Variants in SLC17A1 observed in about 807,000 individuals in gnomAD.
SLC17A1 encodes the protein sodium-dependent phosphate transport protein 1.
A neutral mutation model predicts 53.5 loss-of-function variants in SLC17A1; 51 were observed. That is an observed-to-expected ratio of 0.95 (90% CI 0.76 to 1.20). The LOEUF is 1.20. Among genes scored for constraint, SLC17A1 ranks in the 50% most tolerant of loss-of-function variants. The pLI is 0.00. For synonymous variants in SLC17A1, 179 were observed against 198.8 expected (o/e 0.90, Z 0.84); for missense variants, 538 against 568.2 (o/e 0.95, Z 0.54).
rs144342802 is a variant in SLC17A1, at chr6:25,802,969, C to T, written c.1179-1989G>A. ...TTTTTTTTTTTTTTTTTTTTTGAGA[C>T]GCAGCCTTGCTCTGTCGCCCAGGCT... On this transcript the variant is annotated intron_variant, in intron 10 of 12. Transcript: ENST00000244527. 8.4e-3 allele frequency among the ~76,000 whole-genome samples: 720 copies of T among 86,122 alleles called. 15 individuals are homozygous for T. The highest frequency in any genetic ancestry group is 0.075 in the East Asian group (209 of 2,804). 56.5% of individuals were successfully genotyped at this position (86,122 alleles called of 152,430 possible).
the SLC17A1 span, among the ~76,000 whole-genome samples, chr6:25,733,845 A>G: frequency 0.24 from 35,858 of 147,198 alleles, 4,875 homozygotes; most frequent in Non-Finnish European, 0.31. Flanking sequence ...TGTATGACAG[A>G]GTATTGCTCT....
intron 10 of SLC17A1, among the ~76,000 whole-genome samples, chr6:25,810,569 G>C (rs9467610): frequency 0.28 from 42,291 of 151,926 alleles, 6,386 homozygotes; most frequent in African/African-American, 0.4. Flanking sequence ...CCCTACACCT[G>C]TTAGAGTGTC....
chr6:25,797,995 C>T (rs1198386456), intron 12 of SLC17A1, among the ~76,000 whole-genome samples: 1 of 152,128 alleles, frequency 6.6e-6, no homozygotes, highest in Non-Finnish European at 1.5e-5. Flanking sequence ...TCTTCCAAAG[C>T]GGTAGCTGTA....
chr6:25,767,208 A>AACACATATGTTATAT, the SLC17A1 span, among the ~76,000 whole-genome samples: 7 of 152,292 alleles, frequency 4.6e-5, no homozygotes, highest in East Asian at 7.7e-4. Flanking sequence ...AGCAAAAAAT[A>AACACATATGTTATAT]GCACATACAT....
At chr6:25,735,927 G>C in the SLC17A1 span, among the ~76,000 whole-genome samples, 4 of 152,130 alleles carry the variant, frequency 2.6e-5, no homozygotes, top group Non-Finnish European at 5.9e-5. Context: ...GAGCCAGTAA[G>C]AATCTTTTCT....
intron 6 of SLC17A1, among the ~76,000 whole-genome samples, chr6:25,818,155 C>T (rs1236003992): frequency 2.0e-5 from 3 of 152,116 alleles, no homozygotes; most frequent in African/African-American, 7.2e-5. Context: ...CAGAAATTCC[C>T]GGCAGAGATG....
the SLC17A1 span, chr6:25,773,463 G>T: frequency 6.2e-7 from 1 of 1,612,912 alleles, no homozygotes. Context: ...GAATGTGATA[G>T]AGAGAGCTGC....
chr6:25,829,272 G>T (rs1764862778), intron 2 of SLC17A1, among the ~76,000 whole-genome samples: 1 of 152,104 alleles, frequency 6.6e-6, no homozygotes, highest in Non-Finnish European at 1.5e-5. Context: ...GGATGTCAAA[G>T]ATTTACATGG....
downstream of SLC17A1, chr6:25,779,154 A>G (rs778214251): frequency 1.2e-6 from 2 of 1,613,862 alleles, no homozygotes; most frequent in Admixed American, 3.3e-5. Context: ...GATGTGCAGG[A>G]CTGGGCTAAA....
At chr6:25,752,114 G>A in the SLC17A1 span, among the ~76,000 whole-genome samples, 2 of 152,140 alleles carry the variant, frequency 1.3e-5, no homozygotes, top group African/African-American at 4.8e-5. Context: ...ACAAACACGC[G>A]ACGCTTAACC....
At chr6:25,733,806 ATGTG>A in the SLC17A1 span, among the ~76,000 whole-genome samples, 367 of 133,862 alleles carry the variant, frequency 2.7e-3, 2 homozygotes, top group East Asian at 0.018. Context: ...GTGTGTGTGT[ATGTG>A]TGTGTGTGTG....
intron 12 of SLC17A1, among the ~76,000 whole-genome samples, chr6:25,794,324 A>G (rs1308804572): frequency 6.6e-6 from 1 of 152,188 alleles, no homozygotes; most frequent in Non-Finnish European, 1.5e-5. Context: ...TATTCAGACT[A>G]AAGCATTAAT....
At chr6:25,804,334 A>G (rs183757481) in intron 10 of SLC17A1, among the ~76,000 whole-genome samples, 66 of 152,292 alleles carry the variant, frequency 4.3e-4, no homozygotes, top group Non-Finnish European at 7.8e-4. Context: ...ATTTTCAGAA[A>G]CAAATGATGA....
chr6:25,784,292 A>T, intron 12 of SLC17A1, among the ~76,000 whole-genome samples: 1 of 152,146 alleles, frequency 6.6e-6, no homozygotes, highest in East Asian at 1.9e-4. Flanking sequence ...ATGTGTTGCT[A>T]TAAAGGAATA....
intron 12 of SLC17A1, among the ~76,000 whole-genome samples, chr6:25,786,755 C>T (rs1440296646): frequency 6.6e-6 from 1 of 152,130 alleles, no homozygotes; most frequent in Non-Finnish European, 1.5e-5. Flanking sequence ...CCCCTCCTTT[C>T]TCTCCTGGTC....
chr6:25,783,863 C>A (rs963145113), intron 12 of SLC17A1, among the ~76,000 whole-genome samples: 9 of 151,002 alleles, frequency 6.0e-5, no homozygotes, highest in Non-Finnish European at 1.3e-4. Flanking sequence ...TTGCTGTCAT[C>A]TGTGTTAACT....
chr6:25,781,307 T>C (rs923879198), downstream of SLC17A1: 1 of 149,932 alleles, frequency 6.7e-6, no homozygotes, highest in Non-Finnish European at 1.5e-5. Flanking sequence ...GCCTGAAAGA[T>C]AGAAGGAAAA....
chr6:25,818,263 A>G lies in SLC17A1; in HGVS notation c.616+805T>C, dbSNP rs565352948. Reference sequence around the variant, plus strand: ...TCTATGTGTCCTTTTATGAAAAATCATGAGTTCTTTGAAGGCATCCTGCTC... The same window carrying G: ...TCTATGTGTCCTTTTATGAAAAATCGTGAGTTCTTTGAAGGCATCCTGCTC... On this transcript the variant is annotated intron_variant, in intron 6 of 12. Coordinates refer to ENST00000244527, the MANE Select transcript of SLC17A1 (RefSeq NM_005074.5). Among the ~76,000 whole-genome samples, 268 of 152,278 alleles carry G rather than the reference A, an allele frequency of 1.8e-3. 1 individual carries two copies. The highest frequency in any genetic ancestry group is 2.8e-3 in the Admixed American group (43 of 15,302).
chr6:25,783,797 CTT>C (rs748851816), intron 12 of SLC17A1, among the ~76,000 whole-genome samples: 30 of 143,702 alleles, frequency 2.1e-4, no homozygotes, highest in East Asian at 4.0e-4. Context: ...ACCACACACT[CTT>C]TTTTTTTTTT....
Sources: allele counts gnomAD v4.1 joint callset (sites outside exome capture counted in the v4.1 genomes callset), GRCh38; gene constraint gnomAD v4.1.1; transcripts MANE v1.5; gene names NCBI Gene and HGNC (gene_info 2026-07-23, HGNC 2026-07-21).